RARB: variants seen among roughly 807,000 people sequenced by gnomAD.
RARB encodes HBV-activated protein.
A neutral mutation model predicts 51.9 loss-of-function variants in RARB; 17 were observed. The observed-to-expected ratio is 0.33, with a 90% confidence interval of 0.22 to 0.49. The LOEUF (loss-of-function observed/expected upper bound fraction) is 0.49. Ranked by LOEUF, RARB falls within the 20% of genes least tolerant of loss-of-function variation. The pLI, the probability that RARB is intolerant of heterozygous loss-of-function variation, is 0.99. For synonymous variants in RARB, 215 were observed against 195.4 expected (o/e 1.10, Z -0.84); for missense variants, 369 against 550.8 (o/e 0.67, Z 3.30).
intron 5 of RARB, among the ~76,000 whole-genome samples, chr3:25,318,480 A>G (rs1160805993): frequency 6.6e-6 from 1 of 152,232 alleles, no homozygotes; most frequent in Non-Finnish European, 1.5e-5. Context: ...TTGCTGGTTT[A>G]GCATAAAATA....
At chr3:25,007,296 G>T (rs533356061) in intron 2 of RARB, among the ~76,000 whole-genome samples, 1 of 152,196 alleles carries the variant, frequency 6.6e-6, no homozygotes, top group Non-Finnish European at 1.5e-5. Context: ...AATAAAGGAT[G>T]TTATCCTAAA....
At chr3:25,488,839 C>T (rs1241070361) in intron 2 of RARB, among the ~76,000 whole-genome samples, 1 of 152,202 alleles carries the variant, frequency 6.6e-6, no homozygotes, top group African/African-American at 2.4e-5. Flanking sequence ...GGTCCCCCTA[C>T]ATCCATTAGG....
intron 5 of RARB, among the ~76,000 whole-genome samples, chr3:25,197,757 A>C (rs1701281134): frequency 6.6e-6 from 1 of 151,960 alleles, no homozygotes; most frequent in African/African-American, 2.4e-5. Flanking sequence ...CAATTAAAAA[A>C]ATGGATGTAA....
intron 1 of RARB, among the ~76,000 whole-genome samples, chr3:25,436,764 A>G (rs906135090): frequency 6.6e-6 from 1 of 152,156 alleles, no homozygotes; most frequent in African/African-American, 2.4e-5. Context: ...GGGGTATAAT[A>G]ATTTTCTTGC....
At chr3:24,970,701 A>G (rs1696379349) in intron 2 of RARB, among the ~76,000 whole-genome samples, 1 of 151,918 alleles carries the variant, frequency 6.6e-6, no homozygotes, top group African/African-American at 2.4e-5. Flanking sequence ...ATTGGAAAAA[A>G]AAATACAGCA....
rs553315527 is a variant in RARB, at chr3:25,485,195, C to T, written c.307-15987C>T. On this transcript the variant is annotated intron_variant, in intron 2 of 7. Coordinates refer to ENST00000330688, the MANE Select transcript of RARB (RefSeq NM_000965.5). ...ATTGTACATAGAAGCACAGTAATAT[C>T]AGAAAATGTGGCCACCTTATATAAC... Among the ~76,000 whole-genome samples the T allele has an allele frequency of 2.0e-5, 3 of 152,208 alleles. No homozygotes were observed. In the South Asian group the frequency reaches 6.2e-4, roughly 32 times the overall value.
chr3:24,835,089 A>G (rs1259822819), intron 1 of RARB, among the ~76,000 whole-genome samples: 1 of 152,144 alleles, frequency 6.6e-6, no homozygotes, highest in Non-Finnish European at 1.5e-5. Context: ...AAATAAAAAT[A>G]TATGTGTGAG....
intron 4 of RARB, among the ~76,000 whole-genome samples, chr3:25,164,362 G>A (rs1340791638): frequency 6.6e-6 from 1 of 152,162 alleles, no homozygotes; most frequent in East Asian, 1.9e-4. Context: ...TCATATAGGT[G>A]GGAAGGCCAG....
chr3:25,021,193 T>C (rs965282538), intron 2 of RARB, among the ~76,000 whole-genome samples: 1 of 152,192 alleles, frequency 6.6e-6, no homozygotes, highest in African/African-American at 2.4e-5. Context: ...GAAGGTAATA[T>C]ATTACTAATG....
At chr3:24,947,246 A>G (rs1397685690) in intron 2 of RARB, among the ~76,000 whole-genome samples, 2 of 152,202 alleles carry the variant, frequency 1.3e-5, no homozygotes, top group Admixed American at 1.3e-4. Context: ...AAAAATATGA[A>G]TGTACTGGGA....
At chr3:24,867,081 G>C (rs1441028451) in intron 2 of RARB, among the ~76,000 whole-genome samples, 1 of 152,132 alleles carries the variant, frequency 6.6e-6, no homozygotes, top group Non-Finnish European at 1.5e-5. Flanking sequence ...TTCTACAATA[G>C]TGATGTTATC....
intron 3 of RARB, among the ~76,000 whole-genome samples, chr3:25,554,043 T>A (rs79420707): frequency 6.6e-6 from 1 of 151,840 alleles, no homozygotes; most frequent in African/African-American, 2.4e-5. Flanking sequence ...GTCATGTTAA[T>A]CTGTGTTTGG....
chr3:25,304,144 C>T (rs1704103547), intron 5 of RARB, among the ~76,000 whole-genome samples: 1 of 152,206 alleles, frequency 6.6e-6, no homozygotes, highest in South Asian at 2.1e-4. Context: ...AGCATCCACA[C>T]TCCCATTCCA....
At chr3:25,223,753 A>G (rs1207490432) in intron 5 of RARB, among the ~76,000 whole-genome samples, 2 of 152,240 alleles carry the variant, frequency 1.3e-5, no homozygotes, top group Non-Finnish European at 2.9e-5. Flanking sequence ...GAGCACTTAT[A>G]GAAGTGCTTG....
At chr3:24,896,939 C>A (rs1703491365) in intron 2 of RARB, among the ~76,000 whole-genome samples, 1 of 152,162 alleles carries the variant, frequency 6.6e-6, no homozygotes, top group South Asian at 2.1e-4. Flanking sequence ...CACATTCAAC[C>A]ACTGGCCAGG....
At chr3:24,880,716 G>C (rs1703142225) in intron 2 of RARB, among the ~76,000 whole-genome samples, 1 of 152,122 alleles carries the variant, frequency 6.6e-6, no homozygotes, top group South Asian at 2.1e-4. Context: ...TGCACAAGCA[G>C]ATATGAAAAT....
intron 2 of RARB, among the ~76,000 whole-genome samples, chr3:24,937,908 G>A (rs778591223): frequency 6.6e-6 from 1 of 152,178 alleles, no homozygotes; most frequent in Non-Finnish European, 1.5e-5. Context: ...GAAACAGGGT[G>A]TCTGTGTTCT....
At chr3:24,992,694 C>T (rs1696938210) in intron 2 of RARB, among the ~76,000 whole-genome samples, 1 of 152,152 alleles carries the variant, frequency 6.6e-6, no homozygotes, top group Non-Finnish European at 1.5e-5. Context: ...GCCATCTCCC[C>T]CCGTGTCTTC....
At chr3:25,023,463 T>C (rs1697680186) in intron 2 of RARB, among the ~76,000 whole-genome samples, 1 of 151,526 alleles carries the variant, frequency 6.6e-6, no homozygotes. Flanking sequence ...AATAGCTCAG[T>C]ATGTGTTTAT....
Sources: allele counts gnomAD v4.1 joint callset (sites outside exome capture counted in the v4.1 genomes callset), GRCh38; gene constraint gnomAD v4.1.1; transcripts MANE v1.5; gene names NCBI Gene and HGNC (gene_info 2026-07-23, HGNC 2026-07-21).